Variants in RARB observed in about 807,000 individuals in gnomAD.
RARB encodes the protein HBV-activated protein.
Under a neutral mutation model 51.9 loss-of-function variants are expected in RARB, and 17 were observed. That is an observed-to-expected ratio of 0.33 (90% confidence interval 0.22 to 0.49). The LOEUF is 0.49. Ranked by LOEUF, RARB falls within the 20% of genes least tolerant of loss-of-function variation. The pLI is 0.99. For missense variants in RARB, 369 were observed against 550.8 expected, an observed-to-expected ratio of 0.67 and a Z score of 3.30; for synonymous variants, 215 against 195.4, an observed-to-expected ratio of 1.10 and a Z score of -0.84.
chr3:25,264,858 A>G (rs903925438), intron 5 of RARB, among the ~76,000 whole-genome samples: 1 of 152,162 alleles, frequency 6.6e-6, no homozygotes, highest in Non-Finnish European at 1.5e-5. Flanking sequence ...TTGAAGACAT[A>G]TTGCCCTTTT....
intron 1 of RARB, among the ~76,000 whole-genome samples, chr3:24,843,640 A>G (rs1702447529): frequency 6.6e-6 from 1 of 152,148 alleles, no homozygotes; most frequent in African/African-American, 2.4e-5. Flanking sequence ...CGAGCCTTTT[A>G]CTACTCTAAC....
At chr3:25,259,876 G>C (rs76622947) in intron 5 of RARB, 25 of 978,750 alleles carry the variant, frequency 2.6e-5, no homozygotes, top group Non-Finnish European at 2.9e-5. Flanking sequence ...AGAGATTTGA[G>C]CTTCTTTCCT....
At chr3:25,107,213 T>C (rs1469205555) in intron 3 of RARB, among the ~76,000 whole-genome samples, 1 of 152,176 alleles carries the variant, frequency 6.6e-6, no homozygotes, top group Non-Finnish European at 1.5e-5. Context: ...TTCTGCCTTT[T>C]CCTTTGCCAT....
chr3:24,874,438 A>G (rs1703005257), intron 2 of RARB, among the ~76,000 whole-genome samples: 1 of 152,032 alleles, frequency 6.6e-6, no homozygotes. Context: ...CTTTACCCAT[A>G]TAGTTGCATT....
intron 5 of RARB, among the ~76,000 whole-genome samples, chr3:25,247,963 G>A (rs1702608838): frequency 6.6e-6 from 1 of 152,190 alleles, no homozygotes; most frequent in Admixed American, 6.5e-5. Flanking sequence ...TCTGCTTAAT[G>A]CTGAGAGTGG....
At chr3:25,091,286 A>G (rs931039886) in intron 3 of RARB, among the ~76,000 whole-genome samples, 3 of 152,156 alleles carry the variant, frequency 2.0e-5, no homozygotes, top group African/African-American at 7.2e-5. Context: ...GAAGATACAC[A>G]TCTCTTTATG....
At chr3:25,357,787 GT>G (rs1179301767) in intron 5 of RARB, among the ~76,000 whole-genome samples, 1 of 152,026 alleles carries the variant, frequency 6.6e-6, no homozygotes, top group Admixed American at 6.6e-5. Flanking sequence ...CCCATTTCTT[GT>G]TTTTGTCCGG....
At chr3:25,564,684 A>G (rs1460832443) in intron 3 of RARB, among the ~76,000 whole-genome samples, 1 of 152,140 alleles carries the variant, frequency 6.6e-6, no homozygotes. Flanking sequence ...AGCCCTGGGG[A>G]CATAGAGACA....
intron 2 of RARB, among the ~76,000 whole-genome samples, chr3:24,913,315 C>G (rs1386193127): frequency 6.6e-6 from 1 of 151,682 alleles, no homozygotes; most frequent in East Asian, 1.9e-4. Flanking sequence ...GAGGGTTTTC[C>G]CACTGAGATT....
chr3:25,164,287 G>T lies in RARB; in HGVS notation c.-279-9832G>T, dbSNP rs549712641. 4.5e-4 allele frequency among the ~76,000 whole-genome samples: 69 copies of T among 152,322 alleles called. 1 individual carries two copies. The highest frequency in any genetic ancestry group is 5.4e-4 in the Non-Finnish European group (37 of 68,026). ...TCACCCATAGCCCACTGGATATTGA[G>T]CAGCAAGACTATTAGAGATCCTGAT... On this transcript the variant is annotated intron_variant, in intron 4 of 11. Transcript: ENST00000383772.
chr3:25,072,122 G>A (rs541204609), intron 3 of RARB, among the ~76,000 whole-genome samples: 1 of 152,308 alleles, frequency 6.6e-6, no homozygotes, highest in Non-Finnish European at 1.5e-5. Context: ...ATAGTGTGCC[G>A]AATGTCCCTT....
chr3:25,116,462 A>T (rs536405682), intron 3 of RARB, among the ~76,000 whole-genome samples: 69 of 152,302 alleles, frequency 4.5e-4, no homozygotes, highest in African/African-American at 1.6e-3. Flanking sequence ...ATAGGAAAAT[A>T]AAGGAAAGCC....
intron 5 of RARB, among the ~76,000 whole-genome samples, chr3:25,343,833 G>A (rs577412904): frequency 3.3e-5 from 5 of 152,210 alleles, no homozygotes; most frequent in East Asian, 3.9e-4. Context: ...TGCTGTTTTC[G>A]ATCGTAAGTC....
At chr3:25,258,519 G>A (rs976524977) in intron 5 of RARB, among the ~76,000 whole-genome samples, 9 of 152,126 alleles carry the variant, frequency 5.9e-5, no homozygotes, top group African/African-American at 1.9e-4. Flanking sequence ...AATTCTGACT[G>A]TTTGTGGTCC....
At chr3:25,276,341 A>C (rs1703382284) in intron 5 of RARB, among the ~76,000 whole-genome samples, 1 of 152,096 alleles carries the variant, frequency 6.6e-6, no homozygotes, top group Admixed American at 6.6e-5. Flanking sequence ...CCGTTATGTA[A>C]GCTAACTACC....
chr3:25,186,885 C>CTGTGTGTGTGTGTGTGTG (rs71057702), intron 5 of RARB, among the ~76,000 whole-genome samples: 30 of 114,284 alleles, frequency 2.6e-4, no homozygotes, highest in Admixed American at 3.8e-4. Flanking sequence ...AAAGGTAAGC[C>CTGTGTGTGTGTGTGTGTG]TGTGTGTGTG....
At chr3:25,482,946 A>T (rs1390596279) in intron 2 of RARB, among the ~76,000 whole-genome samples, 1 of 152,228 alleles carries the variant, frequency 6.6e-6, no homozygotes. Context: ...AAACTATTGA[A>T]ATATTTTTAC....
chr3:25,535,527 A>T (rs1345918957), intron 3 of RARB, among the ~76,000 whole-genome samples: 1 of 151,098 alleles, frequency 6.6e-6, no homozygotes, highest in Non-Finnish European at 1.5e-5. Context: ...CCTCATCTTC[A>T]TTAGGTATTT....
At chr3:24,866,612 C>A (rs13316838) in intron 2 of RARB, among the ~76,000 whole-genome samples, 3 of 151,996 alleles carry the variant, frequency 2.0e-5, no homozygotes, top group Admixed American at 2.0e-4. Flanking sequence ...CCTCACCGGC[C>A]GAGGGGCTTC....
Sources: gnomAD v4.1 joint callset for allele counts (sites outside exome capture counted in the v4.1 genomes callset) on GRCh38, gnomAD v4.1.1 for gene constraint, MANE v1.5 for transcripts, NCBI Gene and HGNC (gene_info 2026-07-23, HGNC 2026-07-21) for gene names.